KAZN: variants seen among roughly 807,000 people sequenced by gnomAD.
KAZN encodes kazrin.
Under a neutral mutation model 87.4 loss-of-function variants are expected in KAZN, and 40 were observed. The observed-to-expected ratio is 0.46, with a 90% CI of 0.36 to 0.60. The LOEUF (loss-of-function observed/expected upper bound fraction) is 0.60. Among genes scored for constraint, KAZN ranks in the 20% least tolerant of loss-of-function variants. The pLI, the probability that KAZN is intolerant of heterozygous loss-of-function variation, is 0.00. For missense variants in KAZN, 898 were observed against 1,073.9 expected (o/e 0.84, Z 2.29); for synonymous variants, 466 against 458.3 (o/e 1.02, Z -0.22).
Position 15,101,611 on chromosome 1 carries a change from C to G in KAZN, c.1616C>G (p.Ser539Cys). ...GCCTGGCTGAATGACATTGGCCTGTCCCAGTACTCCCAGGCCTTTCAGAAC... is the reference window on the plus strand; with the variant it reads ...GCCTGGCTGAATGACATTGGCCTGTGCCAGTACTCCCAGGCCTTTCAGAAC... ...AKAWLNDIGL[S>C]QYSQAFQNHL... The change falls in exon 11 of 15, where the codon TCC becomes TGC. Residue 539 changes from serine (S) to cysteine (C), a missense_variant. Transcript: ENST00000376030. The G allele has an allele frequency of 6.4e-7, 1 of 1,557,132 alleles. No individual in the cohort carries two copies. The highest frequency in any genetic ancestry group is 8.7e-7 in the Non-Finnish European group (1 of 1,149,908).
intron 1 of KAZN, among the ~76,000 whole-genome samples, chr1:14,614,910 C>T (rs1032962468): frequency 1.3e-5 from 2 of 152,196 alleles, no homozygotes; most frequent in Admixed American, 6.5e-5. Context: ...CTTCCTAGCT[C>T]GGTGAGGCGG....
At chr1:14,197,431 G>A (rs906138006) in intron 2 of KAZN, among the ~76,000 whole-genome samples, 1 of 148,942 alleles carries the variant, frequency 6.7e-6, no homozygotes, top group Non-Finnish European at 1.5e-5. Context: ...GTACATGCCT[G>A]TAATCCCAGC....
chr1:14,077,589 G>A (rs1179225417), intron 1 of KAZN, among the ~76,000 whole-genome samples: 3 of 152,208 alleles, frequency 2.0e-5, no homozygotes, highest in African/African-American at 7.2e-5. Flanking sequence ...TTCAGGCTCT[G>A]CGGTGATACT....
chr1:14,273,481 G>A (rs1414891336), intron 2 of KAZN, among the ~76,000 whole-genome samples: 1 of 151,824 alleles, frequency 6.6e-6, no homozygotes, highest in Non-Finnish European at 1.5e-5. Context: ...ATTTGATTTT[G>A]AACCATAACA....
intron 1 of KAZN, among the ~76,000 whole-genome samples, chr1:14,071,488 A>G (rs1368552707): frequency 2.0e-5 from 3 of 152,180 alleles, no homozygotes; most frequent in African/African-American, 7.2e-5. Flanking sequence ...CAGATTTTGT[A>G]TGGTTCTGCA....
intron 1 of KAZN, among the ~76,000 whole-genome samples, chr1:14,666,033 G>C (rs1639530087): frequency 6.6e-6 from 1 of 151,256 alleles, no homozygotes; most frequent in Non-Finnish European, 1.5e-5. Context: ...TCTCATCCTT[G>C]GAATTTAAAA....
chr1:14,418,772 C>A (rs530647357), intron 2 of KAZN, among the ~76,000 whole-genome samples: 1 of 152,318 alleles, frequency 6.6e-6, no homozygotes, highest in African/African-American at 2.4e-5. Flanking sequence ...AAGCCAGACC[C>A]TTCTCCCACT....
At chr1:14,829,499 G>T (rs61772311) in intron 1 of KAZN, among the ~76,000 whole-genome samples, 5,935 of 152,224 alleles carry the variant, frequency 0.039, 178 homozygotes, top group Non-Finnish European at 0.053. Context: ...GAGCTCAGGG[G>T]TTCAAGGCTG....
chr1:14,534,417 G>C (rs1233885199), intron 2 of KAZN, among the ~76,000 whole-genome samples: 1 of 152,206 alleles, frequency 6.6e-6, no homozygotes, highest in African/African-American at 2.4e-5. Flanking sequence ...GGCCGAGGCA[G>C]GCAGATCGCC....
intron 1 of KAZN, among the ~76,000 whole-genome samples, chr1:14,645,715 C>T (rs1161003593): frequency 6.6e-6 from 1 of 152,182 alleles, no homozygotes; most frequent in Non-Finnish European, 1.5e-5. Context: ...GACTTCCTCT[C>T]TTCCTATTTG....
intron 2 of KAZN, among the ~76,000 whole-genome samples, chr1:14,485,992 A>G (rs1235470733): frequency 1.3e-5 from 2 of 151,888 alleles, no homozygotes; most frequent in Non-Finnish European, 1.5e-5. Flanking sequence ...GGGAGCAGTC[A>G]TGGAGCTGTA....
chr1:14,522,686 G>T (rs1671649688), intron 2 of KAZN, among the ~76,000 whole-genome samples: 1 of 152,194 alleles, frequency 6.6e-6, no homozygotes, highest in Admixed American at 6.5e-5. Flanking sequence ...CAACACAATA[G>T]ATAATGCATC....
intron 1 of KAZN, among the ~76,000 whole-genome samples, chr1:13,953,705 G>A (rs1052175773): frequency 1.9e-4 from 29 of 151,916 alleles, no homozygotes; most frequent in African/African-American, 6.3e-4. Context: ...TTTCACGAGC[G>A]TGGTGGACTC....
intron 1 of KAZN, among the ~76,000 whole-genome samples, chr1:14,703,948 G>T (rs1642068184): frequency 1.3e-5 from 2 of 152,204 alleles, no homozygotes; most frequent in Admixed American, 1.3e-4. Context: ...AAGCAAAAGG[G>T]CCAGGAGAAT....
intron 1 of KAZN, among the ~76,000 whole-genome samples, chr1:14,799,405 C>A (rs1645937185): frequency 6.6e-6 from 1 of 152,154 alleles, no homozygotes; most frequent in Non-Finnish European, 1.5e-5. Context: ...TTCACGTTAG[C>A]CAATCTTTAA....
At chr1:14,411,317 C>A (rs1388634620) in intron 2 of KAZN, among the ~76,000 whole-genome samples, 5 of 152,098 alleles carry the variant, frequency 3.3e-5, no homozygotes, top group Admixed American at 3.3e-4. Context: ...CTTTTTGAGA[C>A]CGAGTCTCGC....
chr1:14,569,320 C>CTTTTTTTTTTTTTTTTTTTTTTT (rs35144232), intron 2 of KAZN, among the ~76,000 whole-genome samples: 1 of 92,328 alleles, frequency 1.1e-5, no homozygotes, highest in African/African-American at 4.5e-5. Context: ...ACTTCCTCTG[C>CTTTTTTTTTTTTTTTTTTTTTTT]TTTTTTTTTT....
At chr1:14,993,538 A>G (rs2101967026) in intron 2 of KAZN, among the ~76,000 whole-genome samples, 2 of 151,818 alleles carry the variant, frequency 1.3e-5, no homozygotes, top group Middle Eastern at 6.9e-3. Flanking sequence ...AAAGAATTCT[A>G]CCAAGAGTCT....
At chr1:13,917,118 A>G (rs1639884273) in intron 1 of KAZN, among the ~76,000 whole-genome samples, 1 of 152,158 alleles carries the variant, frequency 6.6e-6, no homozygotes, top group South Asian at 2.1e-4. Context: ...ATGCACGCCC[A>G]TGTGTGTAAT....
Sources: gnomAD v4.1 joint callset for allele counts (sites outside exome capture counted in the v4.1 genomes callset) on GRCh38, gnomAD v4.1.1 for gene constraint, MANE v1.5 for transcripts, NCBI Gene and HGNC (gene_info 2026-07-23, HGNC 2026-07-21) for gene names.